The following ZNF385B variants were observed in gnomAD, a reference collection of about 807,000 sequenced individuals.
The protein encoded by ZNF385B is zinc finger protein 385B.
In ZNF385B, 23 loss-of-function variants were observed where a neutral mutation model predicts 39.2. The ratio of observed to expected loss-of-function variants is 0.59; its 90% confidence interval spans 0.42 to 0.83. The LOEUF is 0.83. Ranked by LOEUF, ZNF385B falls within the 40% of genes least tolerant of loss-of-function variation. The pLI, the probability that ZNF385B is intolerant of heterozygous loss-of-function variation, is 0.00. For synonymous variants in ZNF385B, 205 were observed against 222.6 expected (o/e 0.92, Z 0.70); for missense variants, 552 against 598.9 (o/e 0.92, Z 0.82).
At chr2:179,762,077 A>C (rs1398713180) in intron 3 of ZNF385B, among the ~76,000 whole-genome samples, 1 of 152,068 alleles carries the variant, frequency 6.6e-6, no homozygotes, top group East Asian at 1.9e-4. Context: ...GTTTCCCTCT[A>C]TTCCTAGCTT....
intron 4 of ZNF385B, among the ~76,000 whole-genome samples, chr2:179,541,490 T>C (rs1015781642): frequency 5.3e-5 from 8 of 152,170 alleles, no homozygotes; most frequent in African/African-American, 1.9e-4. Context: ...TCCAAAACTT[T>C]CAACTATGGT....
At chr2:179,642,542 G>C (rs1291640009) in intron 3 of ZNF385B, among the ~76,000 whole-genome samples, 3 of 152,026 alleles carry the variant, frequency 2.0e-5, no homozygotes, top group Admixed American at 6.6e-5. Flanking sequence ...TAGCAATTTT[G>C]CAAGTGTAGT....
At chr2:179,476,043 C>T (rs1383881237) in intron 6 of ZNF385B, among the ~76,000 whole-genome samples, 2 of 133,492 alleles carry the variant, frequency 1.5e-5, no homozygotes, top group African/African-American at 5.6e-5. Context: ...AAAAAAAAAG[C>T]GGACCCAGAA....
At chr2:179,563,670 T>C (rs1448494098) in intron 3 of ZNF385B, among the ~76,000 whole-genome samples, 2 of 152,186 alleles carry the variant, frequency 1.3e-5, no homozygotes, top group Admixed American at 6.6e-5. Flanking sequence ...ATCTAAGTTA[T>C]GAATAATAAC....
At chr2:179,643,627 G>A (rs1395119209) in intron 3 of ZNF385B, among the ~76,000 whole-genome samples, 1 of 152,250 alleles carries the variant, frequency 6.6e-6, no homozygotes, top group Middle Eastern at 3.4e-3. Context: ...GGTAGCATAC[G>A]GTATGATTCC....
intron 1 of ZNF385B, among the ~76,000 whole-genome samples, chr2:179,790,387 C>T (rs1705254672): frequency 6.6e-6 from 1 of 152,204 alleles, no homozygotes; most frequent in South Asian, 2.1e-4. Context: ...GTGTTTAATG[C>T]AAGTACACAT....
chr2:179,835,355 A>C (rs1318077967), intron 1 of ZNF385B, among the ~76,000 whole-genome samples: 1 of 152,174 alleles, frequency 6.6e-6, no homozygotes, highest in African/African-American at 2.4e-5. Flanking sequence ...AATGTTGGGC[A>C]GGGGGAAGGT....
chr2:179,566,668 T>G (rs529929586), intron 3 of ZNF385B, among the ~76,000 whole-genome samples: 2 of 152,288 alleles, frequency 1.3e-5, no homozygotes, highest in Non-Finnish European at 1.5e-5. Flanking sequence ...CATATTTGAA[T>G]TTTTAGAACT....
intron 1 of ZNF385B, 96 bp from the exon 2 acceptor site, chr2:179,770,768 G>A (rs1400658307): frequency 1.3e-5 from 2 of 152,232 alleles, no homozygotes; most frequent in Non-Finnish European, 2.9e-5. Context: ...AAGTGTTGAT[G>A]TTTTCTTCGT....
intron 1 of ZNF385B, among the ~76,000 whole-genome samples, chr2:179,801,893 C>A (rs1706058402): frequency 6.6e-6 from 1 of 152,074 alleles, no homozygotes; most frequent in Non-Finnish European, 1.5e-5. Flanking sequence ...TTTATACTTT[C>A]AAGTAAGAAA....
At chr2:179,488,823 G>T (rs924512187) in intron 5 of ZNF385B, among the ~76,000 whole-genome samples, 3 of 152,108 alleles carry the variant, frequency 2.0e-5, no homozygotes, top group Non-Finnish European at 4.4e-5. Flanking sequence ...TATGTCAAAT[G>T]AGCGACCATA....
intron 1 of ZNF385B, among the ~76,000 whole-genome samples, chr2:179,828,101 AG>A (rs1707780704): frequency 6.6e-6 from 1 of 152,120 alleles, no homozygotes; most frequent in Admixed American, 6.5e-5. Flanking sequence ...TTATTTATCT[AG>A]TCTACTATCA....
chr2:179,550,624 A>G (rs957751656), intron 3 of ZNF385B, among the ~76,000 whole-genome samples: 2 of 149,864 alleles, frequency 1.3e-5, no homozygotes, highest in African/African-American at 5.0e-5. Flanking sequence ...TACTTTCATT[A>G]ATCCTTCACC....
In ZNF385B at chr2:179,607,868, T is replaced by C. The variant is rs1324821933; in HGVS notation, c.299-62899A>G. Among the ~76,000 whole-genome samples the C allele has an allele frequency of 2.0e-5, 3 of 151,900 alleles. No individual in the cohort carries two copies. The East Asian group carries it at 5.8e-4, about 29-fold the overall frequency. On this transcript the variant is annotated intron_variant, in intron 3 of 9. Coordinates refer to ENST00000410066, the MANE Select transcript of ZNF385B (RefSeq NM_152520.6). Reference sequence around the variant, plus strand: ...ACTTATCTGGATGGAATTTCCCATGTACACTATTTTGAGACACAAACTTTG... The same window carrying C: ...ACTTATCTGGATGGAATTTCCCATGCACACTATTTTGAGACACAAACTTTG...
At chr2:179,841,530 C>G (rs1263316380) in intron 1 of ZNF385B, among the ~76,000 whole-genome samples, 1 of 152,190 alleles carries the variant, frequency 6.6e-6, no homozygotes, top group Non-Finnish European at 1.5e-5. Context: ...TAGGAATTCT[C>G]AATCTCAGCA....
intron 3 of ZNF385B, among the ~76,000 whole-genome samples, chr2:179,718,133 A>C (rs989794900): frequency 6.6e-6 from 1 of 152,038 alleles, no homozygotes; most frequent in Non-Finnish European, 1.5e-5. Context: ...CCAATATTTT[A>C]AATAGAATAT....
chr2:179,583,903 C>T (rs1686809063), intron 3 of ZNF385B: 7 of 1,303,130 alleles, frequency 5.4e-6, no homozygotes, highest in South Asian at 1.2e-5. Context: ...TACATTTTCT[C>T]TCTGGGCCAG....
intron 3 of ZNF385B, among the ~76,000 whole-genome samples, chr2:179,744,761 A>G (rs1702281894): frequency 6.6e-6 from 1 of 152,118 alleles, no homozygotes; most frequent in South Asian, 2.1e-4. Context: ...AGAAAAATAG[A>G]TTCCCCTGCC....
chr2:179,647,757 G>A (rs1320958070), intron 3 of ZNF385B, among the ~76,000 whole-genome samples: 1 of 152,146 alleles, frequency 6.6e-6, no homozygotes, highest in East Asian at 1.9e-4. Context: ...TCTCACTGTG[G>A]GGAGAGAAAG....
Sources: allele counts gnomAD v4.1 joint callset (sites outside exome capture counted in the v4.1 genomes callset), GRCh38; gene constraint gnomAD v4.1.1; transcripts MANE v1.5; gene names NCBI Gene and HGNC (gene_info 2026-07-23, HGNC 2026-07-21).